PTPRD: variants seen among roughly 807,000 people sequenced by gnomAD.
PTPRD encodes the protein protein tyrosine phosphatase receptor type D, also known as receptor-type tyrosine-protein phosphatase delta.
A neutral mutation model predicts 214.5 loss-of-function variants in PTPRD; 34 were observed. The observed-to-expected ratio is 0.16, with a 90% CI of 0.12 to 0.21. The LOEUF (loss-of-function observed/expected upper bound fraction) is 0.21. Ranked by LOEUF, PTPRD falls within the 10% of genes least tolerant of loss-of-function variation. The pLI, the probability that PTPRD is intolerant of heterozygous loss-of-function variation, is 1.00. For synonymous variants in PTPRD, 1,128 were observed against 845.7 expected (o/e 1.33, Z -5.79); for missense variants, 2,545 against 2,398.7 (o/e 1.06, Z -1.27).
intron 4 of PTPRD, among the ~76,000 whole-genome samples, chr9:9,942,226 T>A (rs1315433503): frequency 3.3e-5 from 5 of 152,158 alleles, no homozygotes; most frequent in African/African-American, 1.2e-4. Flanking sequence ...TATATTCTTA[T>A]TCTCCACCTC....
chr9:9,381,015 T>G (rs10977688), intron 9 of PTPRD, among the ~76,000 whole-genome samples: 36,393 of 151,988 alleles, frequency 0.24, 4,422 homozygotes, highest in Middle Eastern at 0.37. Context: ...GTATTTCTTT[T>G]GCTTAGTGTT....
intron 10 of PTPRD, among the ~76,000 whole-genome samples, chr9:9,071,858 G>C (rs2099744200): frequency 6.6e-6 from 1 of 152,128 alleles, no homozygotes; most frequent in Admixed American, 6.6e-5. Flanking sequence ...ATATAGAAAA[G>C]TAAAGCGCTT....
At chr9:8,937,902 G>C (rs1453256812) in intron 11 of PTPRD, among the ~76,000 whole-genome samples, 2 of 152,078 alleles carry the variant, frequency 1.3e-5, no homozygotes, top group Non-Finnish European at 2.9e-5. Flanking sequence ...CTGAAAATTA[G>C]GTCAATATGC....
chr9:9,372,368 T>C (rs1437521622), intron 9 of PTPRD, among the ~76,000 whole-genome samples: 2 of 152,196 alleles, frequency 1.3e-5, no homozygotes, highest in Non-Finnish European at 2.9e-5. Context: ...AATTATGTAA[T>C]GGCCTTCTTT....
intron 9 of PTPRD, among the ~76,000 whole-genome samples, chr9:9,256,810 G>C (rs1322432609): frequency 6.6e-6 from 1 of 151,850 alleles, no homozygotes; most frequent in Non-Finnish European, 1.5e-5. Context: ...GTCTACCTGA[G>C]ACCCCAGCTG....
At chr9:8,532,131 A>G (rs2075848185) in intron 14 of PTPRD, among the ~76,000 whole-genome samples, 1 of 152,054 alleles carries the variant, frequency 6.6e-6, no homozygotes, top group Non-Finnish European at 1.5e-5. Context: ...CTTTGAATGC[A>G]CTTTCTTCGT....
At chr9:8,947,960 T>G (rs760985904) in intron 11 of PTPRD, among the ~76,000 whole-genome samples, 35 of 151,756 alleles carry the variant, frequency 2.3e-4, no homozygotes, top group Non-Finnish European at 4.4e-4. Context: ...GTGTGTTGCC[T>G]AACATCATAC....
intron 8 of PTPRD, among the ~76,000 whole-genome samples, chr9:9,540,249 T>G (rs2077306759): frequency 7.9e-6 from 1 of 127,066 alleles, no homozygotes. Flanking sequence ...ACACAGTCAT[T>G]CATTTAACAC....
chr9:8,931,460 C>T (rs897052319), intron 11 of PTPRD, among the ~76,000 whole-genome samples: 22 of 152,150 alleles, frequency 1.4e-4, no homozygotes, highest in Admixed American at 2.6e-4. Flanking sequence ...TTTTTGGTTC[C>T]GTATGAACTT....
At chr9:10,456,324 A>G (rs983104074) in intron 2 of PTPRD, among the ~76,000 whole-genome samples, 2 of 151,942 alleles carry the variant, frequency 1.3e-5, no homozygotes, top group African/African-American at 4.8e-5. Context: ...CCATTTACCA[A>G]GTGAATCAAA....
chr9:8,860,460 T>C (rs536131268), intron 11 of PTPRD: 2 of 152,094 alleles, frequency 1.3e-5, no homozygotes, highest in Non-Finnish European at 2.9e-5. Context: ...GAGAAAGAAG[T>C]AGGGATGGGT....
intron 35 of PTPRD, among the ~76,000 whole-genome samples, chr9:8,416,285 C>T (rs1246343598): frequency 6.6e-6 from 1 of 152,152 alleles, no homozygotes; most frequent in Non-Finnish European, 1.5e-5. Flanking sequence ...TATGTATACA[C>T]ATGCACTGCA....
At chr9:10,160,636 A>G (rs2099122058) in intron 3 of PTPRD, among the ~76,000 whole-genome samples, 1 of 151,996 alleles carries the variant, frequency 6.6e-6, no homozygotes, top group East Asian at 1.9e-4. Context: ...TAAATAGGAA[A>G]ATAATGAAAT....
chr9:8,699,421 T>C (rs1310261655), intron 12 of PTPRD, among the ~76,000 whole-genome samples: 1 of 152,168 alleles, frequency 6.6e-6, no homozygotes, highest in Non-Finnish European at 1.5e-5. Context: ...ATGATAAGCA[T>C]TTGAGGACAT....
intron 7 of PTPRD, among the ~76,000 whole-genome samples, chr9:9,678,162 C>G (rs554520799): frequency 1.3e-5 from 2 of 152,174 alleles, no homozygotes; most frequent in South Asian, 4.2e-4. Context: ...TTTATAGATT[C>G]AATGCCATCC....
intron 3 of PTPRD, among the ~76,000 whole-genome samples, chr9:10,209,066 A>C (rs294800): frequency 6.6e-6 from 1 of 152,186 alleles, no homozygotes; most frequent in Non-Finnish European, 1.5e-5. Context: ...TTTAAGTTTT[A>C]TGAATGCTGC....
intron 6 of PTPRD, among the ~76,000 whole-genome samples, chr9:9,757,966 T>C (rs1460388509): frequency 1.3e-5 from 2 of 152,030 alleles, no homozygotes. Flanking sequence ...ATCTAAGTCA[T>C]AATTATTACC....
At chr9:9,336,326 G>T (rs1227349733) in intron 9 of PTPRD, among the ~76,000 whole-genome samples, 1 of 152,146 alleles carries the variant, frequency 6.6e-6, no homozygotes, top group Admixed American at 6.6e-5. Context: ...AGAATCCTTT[G>T]CCCATGTGAG....
chr9:9,498,025 T>C (rs2096264548), intron 8 of PTPRD, among the ~76,000 whole-genome samples: 4 of 152,114 alleles, frequency 2.6e-5, no homozygotes, highest in Admixed American at 2.6e-4. Flanking sequence ...AGATAACAGT[T>C]CCCAGTTTTG....
Sources: gnomAD v4.1 joint callset for allele counts (sites outside exome capture counted in the v4.1 genomes callset) on GRCh38, gnomAD v4.1.1 for gene constraint, MANE v1.5 for transcripts, NCBI Gene and HGNC (gene_info 2026-07-23, HGNC 2026-07-21) for gene names.